The following STAG1 variants were observed in gnomAD, a reference collection of about 807,000 sequenced individuals.
STAG1 encodes STAG1 cohesin complex component.
A neutral mutation model predicts 170.9 loss-of-function variants in STAG1; 26 were observed. The ratio of observed to expected loss-of-function variants is 0.15; its 90% CI spans 0.11 to 0.21. STAG1 has a LOEUF of 0.21. STAG1 is among the 10% of genes least tolerant of loss of function. The probability of loss-of-function intolerance (pLI) is 1.00; values close to 1 mark genes in which losing one functional copy is unlikely to be tolerated. For missense variants in STAG1, 964 were observed against 1,509.5 expected (o/e 0.64, Z 5.99); for synonymous variants, 514 against 497.7 (o/e 1.03, Z -0.44).
intron 4 of STAG1, among the ~76,000 whole-genome samples, chr3:136,587,977 C>A (rs1308157536): frequency 6.6e-6 from 1 of 151,842 alleles, no homozygotes; most frequent in Admixed American, 6.6e-5. Flanking sequence ...AAAAACAAAA[C>A]AAAAAAATAG....
chr3:136,735,586 C>CA (rs1225463400), intron 1 of STAG1, among the ~76,000 whole-genome samples: 8 of 152,060 alleles, frequency 5.3e-5, no homozygotes, highest in Non-Finnish European at 1.2e-4. Flanking sequence ...TACAGGCATA[C>CA]ACCACCACAC....
chr3:136,633,818 T>C (rs1226891920), intron 1 of STAG1, among the ~76,000 whole-genome samples: 2 of 146,326 alleles, frequency 1.4e-5, no homozygotes, highest in Admixed American at 6.9e-5. Flanking sequence ...AGAGACTCCA[T>C]CTCTACAAAA....
intron 29 of STAG1, chr3:136,348,896 G>C: frequency 2.1e-6 from 1 of 473,322 alleles, no homozygotes; most frequent in Non-Finnish European, 3.8e-6. Context: ...ATAGTATGGG[G>C]ATTGATTTTA....
chr3:136,668,802 A>G (rs1410096941), intron 1 of STAG1, among the ~76,000 whole-genome samples: 1 of 152,224 alleles, frequency 6.6e-6, no homozygotes, highest in Non-Finnish European at 1.5e-5. Flanking sequence ...AAGGCTCTGC[A>G]GCTGGAAGCT....
At chr3:136,435,789 C>T (rs2088442869) in intron 15 of STAG1, among the ~76,000 whole-genome samples, 1 of 152,032 alleles carries the variant, frequency 6.6e-6, no homozygotes, top group Admixed American at 6.6e-5. Context: ...CCTGCCTCAG[C>T]CTCCCTAGTA....
chr3:136,528,453 C>T (rs572386164), intron 6 of STAG1, among the ~76,000 whole-genome samples: 1 of 150,824 alleles, frequency 6.6e-6, no homozygotes, highest in Admixed American at 6.6e-5. Context: ...CTTGACATCT[C>T]CAAAGGAATA....
chr3:136,619,756 CAAAAAAAAAAA>C (rs62857261), intron 3 of STAG1, among the ~76,000 whole-genome samples: 4 of 67,750 alleles, frequency 5.9e-5, no homozygotes, highest in South Asian at 1.3e-3. Flanking sequence ...GACTCTGTCT[CAAAAAAAAAAA>C]AAAAAAAAAA....
At chr3:136,392,877 T>C (rs2108330477) in intron 22 of STAG1, among the ~76,000 whole-genome samples, 1 of 152,214 alleles carries the variant, frequency 6.6e-6, no homozygotes, top group African/African-American at 2.4e-5. Flanking sequence ...TTGTATTTCT[T>C]CTTTTATAAT....
chr3:136,490,735 G>C lies in STAG1; in HGVS notation c.902+9488C>G, dbSNP rs573741675. ...TATGGTATTGTATAAGAATAGCTCT[G>C]AAAATATGATTCTGAAATGTTTCAT... On this transcript the variant is annotated intron_variant, in intron 9 of 33. Coordinates refer to ENST00000383202, the MANE Select transcript of STAG1 (RefSeq NM_005862.3). Among the ~76,000 whole-genome samples, 8 of 152,298 alleles carry C rather than the reference G, an allele frequency of 5.3e-5. No homozygotes were observed. In the South Asian group the frequency reaches 1.7e-3, roughly 32 times the overall value.
intron 16 of STAG1, among the ~76,000 whole-genome samples, chr3:136,423,457 TA>T (rs1186056328): frequency 6.6e-6 from 1 of 152,178 alleles, no homozygotes; most frequent in East Asian, 1.9e-4. Flanking sequence ...CACTTATTTT[TA>T]AAGCACACAC....
At chr3:136,674,154 AGAGGGAGGGAGGGAGGGAAG>A (rs1380536638) in intron 1 of STAG1, among the ~76,000 whole-genome samples, 1,067 of 13,092 alleles carry the variant, frequency 0.082, 33 homozygotes, top group Non-Finnish European at 0.087. Context: ...AGGGAGGGAG[AGAGGGAGGGAGGGAGGGAAG>A]GAGGGAGGGA....
chr3:136,412,311 CAG>C (rs777712034), intron 21 of STAG1, among the ~76,000 whole-genome samples: 1 of 152,118 alleles, frequency 6.6e-6, no homozygotes, highest in Non-Finnish European at 1.5e-5. Context: ...AAATAAACGA[CAG>C]AGTTAGAAAA....
At chr3:136,396,997 C>A (rs2087182857) in intron 22 of STAG1, among the ~76,000 whole-genome samples, 1 of 152,064 alleles carries the variant, frequency 6.6e-6, no homozygotes, top group African/African-American at 2.4e-5. Flanking sequence ...ATGCAGAGAT[C>A]CTCAAATTGT....
chr3:136,536,211 C>T (rs1341467042), intron 6 of STAG1, among the ~76,000 whole-genome samples: 1 of 151,972 alleles, frequency 6.6e-6, no homozygotes, highest in Non-Finnish European at 1.5e-5. Flanking sequence ...CTGACTCAAT[C>T]TAAAAAGATT....
At chr3:136,570,865 G>C (rs1332555970) in intron 4 of STAG1, among the ~76,000 whole-genome samples, 1 of 152,148 alleles carries the variant, frequency 6.6e-6, no homozygotes, top group Admixed American at 6.5e-5. Context: ...ATTAGTGTCT[G>C]GGGGGTTTTG....
At chr3:136,551,208 TGAGAGAGAGAGAGAGAGAGAGAGA>T (rs57609965) in intron 5 of STAG1, among the ~76,000 whole-genome samples, 14 of 44,478 alleles carry the variant, frequency 3.1e-4, no homozygotes, top group Admixed American at 7.1e-4. Flanking sequence ...TGAGAGAGAG[TGAGAGAGAGAGAGAGAGAGAGAGA>T]GAGAGAGAGA....
At chr3:136,742,302 G>A (rs750473722) in intron 1 of STAG1, among the ~76,000 whole-genome samples, 1 of 151,944 alleles carries the variant, frequency 6.6e-6, no homozygotes, top group Non-Finnish European at 1.5e-5. Flanking sequence ...ACCATATGCT[G>A]GCCCATAAAA....
At chr3:136,605,573 C>A (rs1176546357) in intron 3 of STAG1, among the ~76,000 whole-genome samples, 1 of 152,072 alleles carries the variant, frequency 6.6e-6, no homozygotes, top group Non-Finnish European at 1.5e-5. Context: ...TATTTCTTAC[C>A]TGCTAGTATT....
chr3:136,563,308 G>A (rs1281954091), intron 5 of STAG1, among the ~76,000 whole-genome samples: 1 of 152,086 alleles, frequency 6.6e-6, no homozygotes, highest in Admixed American at 6.5e-5. Flanking sequence ...ACACCTTTCA[G>A]TGTGGTTGTT....
Sources: allele counts gnomAD v4.1 joint callset (sites outside exome capture counted in the v4.1 genomes callset), GRCh38; gene constraint gnomAD v4.1.1; transcripts MANE v1.5; gene names NCBI Gene and HGNC (gene_info 2026-07-23, HGNC 2026-07-21).